Variants in RELB observed in about 807,000 individuals in gnomAD.
RELB encodes transcription factor RelB.
A neutral mutation model predicts 55.4 loss-of-function variants in RELB; 14 were observed. The ratio of observed to expected loss-of-function variants is 0.25; its 90% CI spans 0.17 to 0.40. The LOEUF is 0.40. RELB is among the 10% of genes least tolerant of loss of function. RELB has a pLI of 1.00. For synonymous variants in RELB, 409 were observed against 371.3 expected (o/e 1.10, Z -1.17); for missense variants, 669 against 830.7 (o/e 0.81, Z 2.39).
chr19:45,005,139 C>A (rs1396783439), intron 2 of RELB, among the ~76,000 whole-genome samples: 1 of 152,122 alleles, frequency 6.6e-6, no homozygotes, highest in African/African-American at 2.4e-5. Context: ...CCACTGCACT[C>A]CAGCCTGGGT....
intron 4 of RELB, 130 bp from the exon 5 acceptor site, chr19:45,021,923 G>A (rs1971493603): frequency 3.3e-6 from 3 of 913,312 alleles, no homozygotes; most frequent in East Asian, 5.8e-5. Flanking sequence ...CGCGGGAGAA[G>A]GTTGGGGAGC....
intron 9 of RELB, 89 bp from the exon 10 acceptor site, chr19:45,034,155 T>A (rs1971658471): frequency 9.6e-7 from 1 of 1,043,638 alleles, no homozygotes; most frequent in Admixed American, 2.5e-5. Context: ...CAAGACTGTC[T>A]CTAAAAATAA....
intron 7 of RELB, among the ~76,000 whole-genome samples, chr19:45,028,096 G>A (rs1308134119): frequency 6.6e-6 from 1 of 151,910 alleles, no homozygotes; most frequent in Admixed American, 6.6e-5. Flanking sequence ...TGTTACCCAG[G>A]CTGGTCCAGA....
intron 2 of RELB, 83 bp from the exon 3 acceptor site, chr19:45,009,731 T>C: frequency 6.7e-7 from 1 of 1,494,334 alleles, no homozygotes. Flanking sequence ...GGGACAGGGT[T>C]GGGGAATCTG....
At chr19:45,035,309 A>G (rs1196697926) in intron 11 of RELB, among the ~76,000 whole-genome samples, 1 of 151,034 alleles carries the variant, frequency 6.6e-6, no homozygotes, top group Non-Finnish European at 1.5e-5. Context: ...GCTTCAGTCC[A>G]GGAGTTTGAG....
At chr19:45,025,267 CA>C in intron 5 of RELB, 61 bp from the exon 6 acceptor site, 1 of 1,169,620 alleles carries the variant, frequency 8.5e-7, no homozygotes, top group South Asian at 1.3e-5. Flanking sequence ...AGCCCTCCTG[CA>C]GGTTAGGGCC....
At chr19:45,028,549 G>A (rs1194472508) in intron 7 of RELB, among the ~76,000 whole-genome samples, 1 of 152,014 alleles carries the variant, frequency 6.6e-6, no homozygotes, top group African/African-American at 2.4e-5. Flanking sequence ...GGCCAGGCTG[G>A]TCTCAAACTC....
chr19:45,020,972 T>A (rs1971478517), intron 4 of RELB, among the ~76,000 whole-genome samples: 2 of 152,066 alleles, frequency 1.3e-5, no homozygotes, highest in Non-Finnish European at 1.5e-5. Flanking sequence ...TTCAGGAGTT[T>A]GAGACCAGCT....
At chr19:45,031,203 C>T (rs989121886) in intron 8 of RELB, among the ~76,000 whole-genome samples, 2 of 151,814 alleles carry the variant, frequency 1.3e-5, no homozygotes, top group African/African-American at 2.4e-5. Context: ...CCTCAGTTTC[C>T]GTTTTTGTTT....
At chr19:45,034,068 A>C (rs1488349013) in intron 9 of RELB, among the ~76,000 whole-genome samples, 176 bp from the exon 10 acceptor site, 1 of 151,936 alleles carries the variant, frequency 6.6e-6, no homozygotes, top group East Asian at 1.9e-4. Flanking sequence ...CTGAGGCAGG[A>C]GAATCACTTG....
At chr19:45,017,036 C>G (rs1032166183) in intron 4 of RELB, among the ~76,000 whole-genome samples, 1 of 152,108 alleles carries the variant, frequency 6.6e-6, no homozygotes, top group African/African-American at 2.4e-5. Context: ...CATAACTGGT[C>G]CTGTCTACTT....
Position 45,020,144 on chromosome 19 carries a change from A to G in RELB, c.505-1909A>G, listed in dbSNP as rs141755407. 9.4e-3 allele frequency among the ~76,000 whole-genome samples: 1,437 copies of G among 152,234 alleles called. 24 individuals are homozygous for G. Among genetic ancestry groups the G allele is most frequent in the African/African-American group, 0.031 (1,295 of 41,528 alleles). On this transcript the variant is annotated intron_variant, in intron 4 of 11. Transcript: ENST00000221452. ...CTGAATTTTTACATATAATGTATAC[A>G]TATGTAGTTTACACAGTGTAACTAC...
intron 2 of RELB, among the ~76,000 whole-genome samples, chr19:45,009,612 G>T (rs1445440387): frequency 6.6e-6 from 1 of 152,208 alleles, no homozygotes; most frequent in South Asian, 2.1e-4. Flanking sequence ...CAACATTAGA[G>T]GTTGAAAGGA....
intron 8 of RELB, among the ~76,000 whole-genome samples, chr19:45,031,680 A>G (rs910024772): frequency 1.3e-5 from 2 of 151,358 alleles, no homozygotes; most frequent in African/African-American, 4.8e-5. Flanking sequence ...GGTTCACGCC[A>G]TTCTCCTGCC....
chr19:45,014,461 G>T (rs1033309101), intron 4 of RELB, among the ~76,000 whole-genome samples: 2 of 151,398 alleles, frequency 1.3e-5, no homozygotes, highest in African/African-American at 2.4e-5. Context: ...GTGAGCCACC[G>T]CACCGGCCTA....
chr19:45,033,834 C>T (rs1003148907), intron 9 of RELB, among the ~76,000 whole-genome samples: 44 of 151,006 alleles, frequency 2.9e-4, no homozygotes, highest in African/African-American at 9.5e-4. Flanking sequence ...TGAGCCACCA[C>T]GCCCAGCCAA....
At chr19:45,030,411 C>T (rs1971606709) in intron 8 of RELB, among the ~76,000 whole-genome samples, 1 of 152,170 alleles carries the variant, frequency 6.6e-6, no homozygotes, top group South Asian at 2.1e-4. Context: ...GTGGGCGAAT[C>T]ACTTATGGTC....
At chr19:45,020,489 C>A (rs1471701817) in intron 4 of RELB, among the ~76,000 whole-genome samples, 3 of 151,440 alleles carry the variant, frequency 2.0e-5, no homozygotes, top group African/African-American at 7.3e-5. Context: ...ACTGGGATTA[C>A]AGGCGTGAGC....
intron 1 of RELB, among the ~76,000 whole-genome samples, chr19:45,002,095 T>G (rs1185467768): frequency 6.0e-5 from 1 of 16,670 alleles, no homozygotes; most frequent in Non-Finnish European, 1.1e-4. Context: ...GGCCCTACGC[T>G]GAGGGGTGAG....
Sources: allele counts gnomAD v4.1 joint callset (sites outside exome capture counted in the v4.1 genomes callset), GRCh38; gene constraint gnomAD v4.1.1; transcripts MANE v1.5; gene names NCBI Gene and HGNC (gene_info 2026-07-23, HGNC 2026-07-21).